Variants in DSP observed in about 807,000 individuals in gnomAD.
DSP encodes the protein desmoplakin, also known as 250/210 kDa paraneoplastic pemphigus antigen.
DSP carries 114 observed loss-of-function variants against 290.6 expected under a neutral mutation model. That is an observed-to-expected ratio of 0.39 (90% confidence interval 0.34 to 0.46). The LOEUF (loss-of-function observed/expected upper bound fraction) is 0.46. Among genes scored for constraint, DSP ranks in the 20% least tolerant of loss-of-function variants. The pLI, the probability that DSP is intolerant of heterozygous loss-of-function variation, is 0.99. For synonymous variants in DSP, 1,311 were observed against 1,316.4 expected (o/e 1.00, Z 0.09); for missense variants, 3,230 against 3,495.8 (o/e 0.92, Z 1.92).
rs573789363 is a variant in DSP at position 7,562,561 on chromosome 6, T to C, written c.598-91T>C. ...TACTCCATATTTACATCTTTGGTTC[T>C]ATCTGAAGTAAAGCCGTGATGGTGT... On this transcript the variant is annotated intron_variant, in intron 4 of 23. Coordinates refer to ENST00000379802, the MANE Select transcript of DSP (RefSeq NM_004415.4). The C allele has an allele frequency of 5.1e-5, 81 of 1,597,250 alleles. 1 individual carries two copies. The South Asian group carries it at 7.2e-4, about 14-fold the overall frequency.
chr6:7,551,490 G>C (rs529283222), intron 1 of DSP, among the ~76,000 whole-genome samples: 28 of 152,162 alleles, frequency 1.8e-4, no homozygotes, highest in African/African-American at 6.7e-4. Flanking sequence ...TTAGCTTTGC[G>C]TGGTGGCAGT....
At chr6:7,556,702 G>T (rs535519498) in intron 2 of DSP, among the ~76,000 whole-genome samples, 29 of 152,256 alleles carry the variant, frequency 1.9e-4, no homozygotes, top group African/African-American at 6.5e-4. Flanking sequence ...TATTGTGTGG[G>T]TTCTAGTTCT....
At chr6:7,548,141 C>T (rs574822028) in intron 1 of DSP, among the ~76,000 whole-genome samples, 194 of 152,066 alleles carry the variant, frequency 1.3e-3, no homozygotes, top group African/African-American at 4.5e-3. Context: ...GTGGCGGGCT[C>T]CTGTAGTCGC....
intron 10 of DSP, among the ~76,000 whole-genome samples, chr6:7,568,142 G>C (rs1758919496): frequency 6.6e-6 from 1 of 152,174 alleles, no homozygotes; most frequent in African/African-American, 2.4e-5. Flanking sequence ...AGAACAGAGA[G>C]AACATTACTT....
intron 3 of DSP, 44 bp from the exon 4 acceptor site, chr6:7,559,182 T>C (rs1758595405): frequency 6.2e-7 from 1 of 1,611,966 alleles, no homozygotes; most frequent in Non-Finnish European, 8.5e-7. Flanking sequence ...CGGGTTTTCA[T>C]AGGCTGTTTT....
At position 7,575,365 on chromosome 6, in the gene DSP, A is replaced by G. The variant is rs1554107616; in HGVS notation, c.2507A>G (p.Gln836Arg). ...ATGAAGACAGAACTACAGAAAGCCC[A>G]GCAGATCCACTCTCAGACTTCACAG... ...ATMKTELQKAQQIHSQTSQQY... is the reference protein window; with the variant it reads ...ATMKTELQKARQIHSQTSQQY... Residue 836 changes from glutamine (Q) to arginine (R), a missense_variant, in exon 18 of 24, where the codon CAG (glutamine) becomes CGG (arginine). Gln to Arg is a conservative substitution (Grantham distance 43). Coordinates refer to ENST00000379802, the MANE Select transcript of DSP (RefSeq NM_004415.4). 1.2e-6 allele frequency: 2 copies of G among 1,614,138 alleles called. No individual in the cohort carries two copies. The highest frequency in any genetic ancestry group is 1.7e-6 in the Non-Finnish European group (2 of 1,180,028).
At chr6:7,543,632 G>T (rs1758087745) in intron 1 of DSP, among the ~76,000 whole-genome samples, 1 of 152,066 alleles carries the variant, frequency 6.6e-6, no homozygotes, top group African/African-American at 2.4e-5. Context: ...AAATGTGTGG[G>T]TTACACACAG....
chr6:7,543,474 T>C (rs1218601890), intron 1 of DSP, among the ~76,000 whole-genome samples: 1 of 148,680 alleles, frequency 6.7e-6, no homozygotes, highest in Non-Finnish European at 1.5e-5. Flanking sequence ...AAAATGTGTC[T>C]GGGGATTTCC....
At position 7,558,260 on chromosome 6, in the gene DSP, A is replaced by G. The variant is rs1758564402; in HGVS notation, c.418A>G (p.Lys140Glu). Residue 140 changes from lysine to glutamate, a missense_variant, in exon 3 of 24, where the codon AAA becomes GAA. Lys to Glu is a moderately conservative substitution (Grantham distance 56). This residue lies in a region of DSP where 646 missense variants were observed against 684.3 expected (regional missense o/e 0.94). Coordinates refer to ENST00000379802, the MANE Select transcript of DSP (RefSeq NM_004415.4). ...GGGCCAGCCCTGTGATGCTTACCAG[A>G]AAAGGTATTGTCCACAGAGCATGGA... ...QMGQPCDAYQ[K>E]RLLQLQEQMR... is the part of the protein sequence containing the mutation. 3.1e-6 allele frequency: 5 copies of G among 1,613,850 alleles called. No individual in the cohort carries two copies. The African/African-American group carries it at 4.0e-5, about 13-fold the overall frequency.
At chr6:7,542,403 T>C (rs1758022851) in intron 1 of DSP, among the ~76,000 whole-genome samples, 1 of 151,920 alleles carries the variant, frequency 6.6e-6, no homozygotes, top group Admixed American at 6.6e-5. Flanking sequence ...GCCGCCTTTG[T>C]CCCAGCCCGC....
chr6:7,541,775 C>G lies in DSP; in HGVS notation c.-141C>G. 4.5e-6 allele frequency: 5 copies of G among 1,116,428 alleles called. No individual in the cohort carries two copies. The highest frequency in any genetic ancestry group is 6.2e-6 in the Non-Finnish European group (5 of 811,754). The allele number at this position is 1,116,428 out of a possible 1,614,324, so 69.2% of individuals were successfully genotyped here. A position where few individuals can be genotyped will look rare whatever the true frequency, so the allele number is the denominator to read the frequency against. ...AGCGGCCTCGGGAGGGCCCAGGTAG[C>G]GAGCAGCGACCTCGCGAGCCTTCCG... On this transcript the variant is annotated 5_prime_UTR_variant, in exon 1 of 24. Coordinates refer to ENST00000379802, the MANE Select transcript of DSP (RefSeq NM_004415.4).
chr6:7,547,483 A>C (rs1758200024), intron 1 of DSP, among the ~76,000 whole-genome samples: 1 of 152,154 alleles, frequency 6.6e-6, no homozygotes, highest in African/African-American at 2.4e-5. Flanking sequence ...GCTGGAGTGC[A>C]GTGGCATGAT....
In DSP at chr6:7,585,392, A is replaced by G. The variant is rs1440748149; in HGVS notation, c.8130A>G (p.Ala2710=). The change falls in exon 24 of 24, where the codon GCA becomes GCG. Residue 2710 remains alanine, a synonymous_variant. Coordinates refer to ENST00000379802, the MANE Select transcript of DSP (RefSeq NM_004415.4). The part of the protein sequence containing the change: ...GVKGKKKMSA[A]EAVKEKWLPY... ...AGGGAAAGAAGAAGATGTCAGCAGCAGAGGCAGTGAAAGAAAAATGGCTCC... is the reference window on the plus strand; with the variant it reads ...AGGGAAAGAAGAAGATGTCAGCAGCGGAGGCAGTGAAAGAAAAATGGCTCC... The G allele has an allele frequency of 1.9e-6, 3 of 1,614,214 alleles. No homozygotes were observed. The highest frequency in any genetic ancestry group is 1.6e-4 in the Middle Eastern group (1 of 6,062).
At chr6:7,547,598 A>T (rs888258853) in intron 1 of DSP, among the ~76,000 whole-genome samples, 1 of 133,116 alleles carries the variant, frequency 7.5e-6, no homozygotes, top group African/African-American at 2.9e-5. Flanking sequence ...ACAACTAATT[A>T]AAATTTTTTT....
In DSP at chr6:7,585,297, G is replaced by A. The variant is rs555167928; in HGVS notation, c.8035G>A (p.Val2679Met). The change falls in exon 24 of 24, where the codon GTG becomes ATG. Residue 2679 changes from valine to methionine, a missense_variant. Val to Met is a conservative substitution (Grantham distance 21, BLOSUM62 1). Transcript: ENST00000379802. ...ACTTCAGGACGCAGTCTCCCAGGGT[G>A]TGATTGACCAAGACATGGCCACCAG... ...LSLQDAVSQG[V>M]IDQDMATRLK... The A allele has an allele frequency of 6.2e-7, 1 of 1,614,164 alleles. No individual in the cohort carries two copies. The highest frequency in any genetic ancestry group is 1.3e-5 in the African/African-American group (1 of 75,046).
chr6:7,580,399 G>A lies in DSP; in HGVS notation c.4209G>A (p.Arg1403=), dbSNP rs1561698567. The A allele has an allele frequency of 2.5e-6, 4 of 1,614,002 alleles. No individual in the cohort carries two copies. The highest frequency in any genetic ancestry group is 2.5e-6 in the Non-Finnish European group (3 of 1,180,002). Residue 1403 remains arginine (R), a synonymous_variant, in exon 23 of 24, where the codon AGG becomes AGA. Coordinates refer to ENST00000379802, the MANE Select transcript of DSP (RefSeq NM_004415.4). This position sits in a 1 kb window ranked among gnomAD's most constrained non-coding sequence, Gnocchi z 4.2. ...AQIDNLTREN[R]SLSEEIKRLK... ...TAGACAATCTCACCCGAGAAAACAGGAGCTTATCTGAAGAAATAAAGAGGC... is the reference window on the plus strand; with the variant it reads ...TAGACAATCTCACCCGAGAAAACAGAAGCTTATCTGAAGAAATAAAGAGGC...
chr6:7,580,167 A>G lies in DSP; in HGVS notation c.3977A>G (p.Glu1326Gly). 1 of 1,614,082 alleles carries G rather than the reference A, an allele frequency of 6.2e-7. No homozygotes were observed. Residue 1326 changes from glutamate to glycine, a missense_variant, in exon 23 of 24, where the codon GAG becomes GGG. Transcript: ENST00000379802. The surrounding 1 kb of genome is among the most constrained non-coding windows in gnomAD (Gnocchi z 4.2). ...AAGACCATTCAGGACAAAAATAAGG[A>G]GATCGAGAGACTCAAAGCTGAGTTT... ...AAKTIQDKNK[E>G]IERLKAEFQE... is the part of the protein sequence containing the mutation.
intron 1 of DSP, among the ~76,000 whole-genome samples, chr6:7,550,794 TCTTTTTTTTTTTTTA>T (rs1298998881): frequency 6.6e-6 from 1 of 151,818 alleles, no homozygotes; most frequent in Non-Finnish European, 1.5e-5. Context: ...GTTTTCTTTT[TCTTTTTTTTTTTTTA>T]AAAAAGCACA....
rs992688530 is a variant in DSP, at chr6:7,541,763, G to A, written c.-153G>A. The A allele has an allele frequency of 8.4e-6, 8 of 953,690 alleles. No homozygotes were observed. In the African/African-American group the frequency reaches 8.7e-5, roughly 10 times the overall value. The allele number at this position is 953,690 out of a possible 1,614,324, so 59.1% of individuals were successfully genotyped here. ...CTCCGCGCTCGCAGCGGCCTCGGGA[G>A]GGCCCAGGTAGCGAGCAGCGACCTC... On this transcript the variant is annotated 5_prime_UTR_variant, in exon 1 of 24. Transcript: ENST00000379802.
Sources: gnomAD v4.1 joint callset for allele counts (sites outside exome capture counted in the v4.1 genomes callset) on GRCh38, gnomAD v4.1.1 for gene constraint, gnomAD v4.1.1 regional missense constraint, Gnocchi (gnomAD v3.1) non-coding constraint, MANE v1.5 for transcripts, NCBI Gene and HGNC (gene_info 2026-07-23, HGNC 2026-07-21) for gene names.